The following SSR3 variants were observed in gnomAD, a reference collection of about 807,000 sequenced individuals.
SSR3 encodes translocon-associated protein subunit gamma.
SSR3 carries 10 observed loss-of-function variants against 22.1 expected under a neutral mutation model. The ratio of observed to expected loss-of-function variants is 0.45; its 90% CI spans 0.28 to 0.77. The LOEUF (loss-of-function observed/expected upper bound fraction) is 0.77, where lower values mean the gene tolerates loss of function less well. SSR3 is among the 30% of genes least tolerant of loss of function. The pLI is 0.13. For missense variants in SSR3, 181 were observed against 220.5 expected, an observed-to-expected ratio of 0.82 and a Z score of 1.13; for synonymous variants, 104 against 82.5, an observed-to-expected ratio of 1.26 and a Z score of -1.42.
At position 156,540,077 on chromosome 3, in the gene SSR3, AATAAT is replaced by A. The variant is rs1202805319; in HGVS notation, c.*3121_*3125del. ...TTGAAAAAAAAGATGGTTAATGTAA[AATAAT>A]ATAATAAAGATTACGTACTTCATCA... On this transcript the variant is annotated 3_prime_UTR_variant, in exon 5 of 5. Coordinates refer to ENST00000265044, the MANE Select transcript of SSR3 (RefSeq NM_007107.5). 9.2e-5 allele frequency: 14 copies of A among 152,254 alleles called. No individual in the cohort carries two copies. Among genetic ancestry groups the A allele is most frequent in the Non-Finnish European group, 1.8e-4 (12 of 68,050 alleles). The allele number at this position is 152,254 out of a possible 1,614,324, so 9.4% of individuals were successfully genotyped here.
chr3:156,544,577 T>G, intron 3 of SSR3, 138 bp from the exon 4 acceptor site: 1 of 614,534 alleles, frequency 1.6e-6, no homozygotes, highest in Non-Finnish European at 2.5e-6. Flanking sequence ...TAATATTAGA[T>G]TTAGTCAGAA....
chr3:156,548,864 AC>A, intron 3 of SSR3, 40 bp downstream of exon 3: 1 of 1,593,670 alleles, frequency 6.3e-7, no homozygotes. Context: ...TCTTCAAAGT[AC>A]CCCCTTTTAT....
rs1422129413 is a variant in SSR3 at position 156,541,862 on chromosome 3, C to CT, written c.*1340dup. ...TGCAAATGCATTCCTGCCTGTTTTT[C>CT]TTCCAAGTTCTTGCATGGAGCCCAA... On this transcript the variant is annotated 3_prime_UTR_variant, in exon 5 of 5. Transcript: ENST00000265044. 2.0e-5 allele frequency: 3 copies of CT among 152,164 alleles called. No homozygotes were observed. Among genetic ancestry groups the CT allele is most frequent in the African/African-American group, 7.2e-5 (3 of 41,430 alleles). The allele number at this position is 152,164 out of a possible 1,614,324, so 9.4% of individuals were successfully genotyped here. A position where few individuals can be genotyped will look rare whatever the true frequency, so the allele number is the denominator to read the frequency against.
rs192579471 is a variant in SSR3 at position 156,550,382 on chromosome 3, T to C, written c.261-1379A>G. 1.2e-4 allele frequency among the ~76,000 whole-genome samples: 19 copies of C among 152,364 alleles called. No individual in the cohort carries two copies. The East Asian group carries it at 3.3e-3, about 26-fold the overall frequency. ...AACCGATTGTCCACATGATAAATCC[T>C]CATGAAGACATTACACCAGATAACT... is the stretch of plus-strand genomic sequence containing the variant. On this transcript the variant is annotated intron_variant, in intron 2 of 4. Coordinates refer to ENST00000265044, the MANE Select transcript of SSR3 (RefSeq NM_007107.5).
At chr3:156,549,365 A>C (rs983393879) in intron 2 of SSR3, among the ~76,000 whole-genome samples, 1 of 152,240 alleles carries the variant, frequency 6.6e-6, no homozygotes. Context: ...TCAACTAATA[A>C]ATTTCATAAG....
At chr3:156,550,142 A>G (rs960268316) in intron 2 of SSR3, among the ~76,000 whole-genome samples, 5 of 152,266 alleles carry the variant, frequency 3.3e-5, no homozygotes, top group Non-Finnish European at 5.9e-5. Context: ...TTAAAAATAA[A>G]TAAATGTGTT....
rs1340298052 is a variant in SSR3 at position 156,543,210 on chromosome 3, G to C, written c.551C>G (p.Ser184Cys). The C allele has an allele frequency of 6.2e-7, 1 of 1,613,568 alleles. No homozygotes were observed. The highest frequency in any genetic ancestry group is 8.5e-7 in the Non-Finnish European group (1 of 1,179,878). ...GGGTGAAGCTGACATGGTCTATTTG[G>C]AGCCAGTAGACAGGAGGGCGATGAG... ...SGLIALLSTG[S>C]K Residue 184 changes from serine to cysteine, a missense_variant, in exon 5 of 5, where the codon TCC becomes TGC. Transcript: ENST00000265044.
chr3:156,544,837 C>A (rs1476557810), intron 3 of SSR3, among the ~76,000 whole-genome samples: 1 of 152,228 alleles, frequency 6.6e-6, no homozygotes, highest in South Asian at 2.1e-4. Context: ...AGGCTTTCTA[C>A]AGCCTACGGA....
At position 156,553,668 on chromosome 3, in the gene SSR3, C is replaced by A. The variant is rs1476334923; in HGVS notation, c.247G>T (p.Val83Phe). Residue 83 changes from valine to phenylalanine, a missense_variant, in exon 2 of 5, where the codon GTT becomes TTT. By Grantham distance (50) the Val-to-Phe change is conservative. Transcript: ENST00000265044. The part of the protein sequence containing the change: ...VAFAYKNVKF[V>F]LKHKVAQKRE... ...AAACATACTTACTTGTGCTTGAGAACAAATTTCACATTCTTGTATGCAAAG... is the reference window on the plus strand; with the variant it reads ...AAACATACTTACTTGTGCTTGAGAAAAAATTTCACATTCTTGTATGCAAAG... 1 of 1,611,292 alleles carries A rather than the reference C, an allele frequency of 6.2e-7. No individual in the cohort carries two copies. The highest frequency in any genetic ancestry group is 1.1e-5 in the South Asian group (1 of 90,700).
Position 156,555,004 on chromosome 3 carries a change from G to T in SSR3, c.86C>A (p.Ser29Tyr), listed in dbSNP as rs369674538. The T allele has an allele frequency of 1.1e-5, 18 of 1,613,954 alleles. No homozygotes were observed. In the African/African-American group the frequency reaches 2.1e-4, roughly 19 times the overall value. ...GAACGCGTTTCCGAAGAAGAGCGCG[G>T]AGGACTTGGCCGAGAGATTGCGGCT... Reference protein sequence around the residue: ...DFSRNLSAKSSALFFGNAFIV... With the variant: ...DFSRNLSAKSYALFFGNAFIV... The change falls in exon 1 of 5, where the codon TCC becomes TAC. Residue 29 changes from serine (S) to tyrosine (Y), a missense_variant. Coordinates refer to ENST00000265044, the MANE Select transcript of SSR3 (RefSeq NM_007107.5).
At position 156,539,727 on chromosome 3, in the gene SSR3, T is replaced by G. The variant is rs896667390; in HGVS notation, c.*3476A>C. On this transcript the variant is annotated 3_prime_UTR_variant, in exon 5 of 5. Transcript: ENST00000265044. ...TTAGAGCTCTGATACATCTATAAAT[T>G]GGTTTTCTCCATAAATGTACACATA... 2.0e-5 allele frequency among the ~76,000 whole-genome samples: 3 copies of G among 152,156 alleles called. No individual in the cohort carries two copies. Among genetic ancestry groups the G allele is most frequent in the Admixed American group, 6.5e-5 (1 of 15,276 alleles).
At position 156,541,740 on chromosome 3, in the gene SSR3, A is replaced by G. The variant is rs1225347409; in HGVS notation, c.*1463T>C. ...CACATTATCCAGTGATGGCACCTAG[A>G]TAATAATGCACCAAAGAAAAGTAAA... On this transcript the variant is annotated 3_prime_UTR_variant, in exon 5 of 5. Transcript: ENST00000265044. 1 of 152,204 alleles carries G rather than the reference A, an allele frequency of 6.6e-6. No individual in the cohort carries two copies. The highest frequency in any genetic ancestry group is 1.9e-4 in the East Asian group (1 of 5,202). 9.4% of individuals were successfully genotyped at this position (152,204 alleles called of 1,614,324 possible). A position where few individuals can be genotyped will look rare whatever the true frequency, so the allele number is the denominator to read the frequency against.
chr3:156,554,478 A>G (rs1720078071), intron 1 of SSR3, among the ~76,000 whole-genome samples: 1 of 152,214 alleles, frequency 6.6e-6, no homozygotes. Flanking sequence ...TGCAAAAACC[A>G]GGAAAATTAT....
chr3:156,553,948 G>T, intron 1 of SSR3, 167 bp from the exon 2 acceptor site: 1 of 566,442 alleles, frequency 1.8e-6, no homozygotes, highest in Non-Finnish European at 2.9e-6. Flanking sequence ...ACCAGTAACA[G>T]TATAGTCTCA....
At position 156,542,572 on chromosome 3, in the gene SSR3, C is replaced by T. The variant is rs1719599713; in HGVS notation, c.*631G>A. Reference sequence around the variant, plus strand: ...TGTGTTCTTTAACCTCGTAGGACAACTCTCATATGCCTGGGCACTATTTTT... The same window carrying T: ...TGTGTTCTTTAACCTCGTAGGACAATTCTCATATGCCTGGGCACTATTTTT... On this transcript the variant is annotated 3_prime_UTR_variant, in exon 5 of 5. Transcript: ENST00000265044. The T allele has an allele frequency of 6.6e-6, 1 of 151,980 alleles. No homozygotes were observed. Among genetic ancestry groups the T allele is most frequent in the African/African-American group, 2.4e-5 (1 of 41,344 alleles). The allele number at this position is 151,980 out of a possible 1,614,324, so 9.4% of individuals were successfully genotyped here.
intron 2 of SSR3, among the ~76,000 whole-genome samples, chr3:156,549,555 T>C (rs994879906): frequency 1.3e-5 from 2 of 152,196 alleles, no homozygotes; most frequent in Admixed American, 1.3e-4. Flanking sequence ...GGCAGGAGTT[T>C]TCAATCTTGA....
At position 156,542,888 on chromosome 3, in the gene SSR3, G is replaced by T; in HGVS notation, c.*315C>A. The T allele has an allele frequency of 3.5e-6, 1 of 285,490 alleles. No homozygotes were observed. Among genetic ancestry groups the T allele is most frequent in the African/African-American group, 2.2e-5 (1 of 46,282 alleles). The allele number at this position is 285,490 out of a possible 1,614,324, so 17.7% of individuals were successfully genotyped here. Reference sequence around the variant, plus strand: ...ATTATATAATAAATAATAACAGCTCGGCCCAGGTTACTGTGACCTCTGACA... The same window carrying T: ...ATTATATAATAAATAATAACAGCTCTGCCCAGGTTACTGTGACCTCTGACA... On this transcript the variant is annotated 3_prime_UTR_variant, in exon 5 of 5. Coordinates refer to ENST00000265044, the MANE Select transcript of SSR3 (RefSeq NM_007107.5).
rs566498280 is a variant in SSR3, at chr3:156,545,199, T to A, written c.360-760A>T. Among the ~76,000 whole-genome samples the A allele has an allele frequency of 5.1e-4, 78 of 152,320 alleles. 1 individual carries two copies. The highest frequency in any genetic ancestry group is 1.8e-3 in the African/African-American group (76 of 41,558). On this transcript the variant is annotated intron_variant, in intron 3 of 4. Coordinates refer to ENST00000265044, the MANE Select transcript of SSR3 (RefSeq NM_007107.5). ...AAAAGGGTAGGTTGTGACCCATTAGTGGGATGTGAACTCAATCAAGTGGAT... is the reference window on the plus strand; with the variant it reads ...AAAAGGGTAGGTTGTGACCCATTAGAGGGATGTGAACTCAATCAAGTGGAT...
chr3:156,554,918 C>A, intron 1 of SSR3, 39 bp downstream of exon 1: 1 of 1,595,226 alleles, frequency 6.3e-7, no homozygotes, highest in Non-Finnish European at 8.5e-7. Context: ...GCCCGACTAG[C>A]CGGCGGCCTG....
Sources: allele counts gnomAD v4.1 joint callset (sites outside exome capture counted in the v4.1 genomes callset), GRCh38; gene constraint gnomAD v4.1.1; transcripts MANE v1.5; gene names NCBI Gene and HGNC (gene_info 2026-07-23, HGNC 2026-07-21).